Variants in CNBD1 observed in about 807,000 individuals in gnomAD.
The protein encoded by CNBD1 is cyclic nucleotide-binding domain-containing protein 1.
Under a neutral mutation model 54.4 loss-of-function variants are expected in CNBD1, and 71 were observed. The observed-to-expected ratio is 1.30, with a 90% confidence interval of 1.08 to 1.59. The LOEUF is 1.59. Among genes scored for constraint, CNBD1 ranks in the 40% most tolerant of loss-of-function variants. The pLI is 0.00. For synonymous variants in CNBD1, 182 were observed against 170.7 expected, an observed-to-expected ratio of 1.07 and a Z score of -0.51; for missense variants, 659 against 518.0, an observed-to-expected ratio of 1.27 and a Z score of -2.64.
intron 8 of CNBD1, among the ~76,000 whole-genome samples, chr8:87,289,780 C>T (rs983545863): frequency 6.6e-6 from 1 of 152,038 alleles, no homozygotes; most frequent in African/African-American, 2.4e-5. Flanking sequence ...CTCTACATCC[C>T]TTCAATTTTT....
Position 86,866,421 on chromosome 8 carries a change from T to A in CNBD1, c.-75T>A. 1 of 1,036,198 alleles carries A rather than the reference T, an allele frequency of 9.7e-7. No homozygotes were observed. Among genetic ancestry groups the A allele is most frequent in the South Asian group, 1.4e-5 (1 of 72,136 alleles). The allele number at this position is 1,036,198 out of a possible 1,614,324, so 64.2% of individuals were successfully genotyped here. On this transcript the variant is annotated 5_prime_UTR_variant, in exon 1 of 11. An upstream start codon of the reference 5' UTR is lost. Transcript: ENST00000518476. ...GAGAGGACCTTGAAGTTCTGCTTTA[T>A]GAGCCTGCAGGCAAAGAGTGATCAT...
At chr8:87,208,689 C>A (rs72665059) in intron 5 of CNBD1, among the ~76,000 whole-genome samples, 5,917 of 151,966 alleles carry the variant, frequency 0.039, 154 homozygotes, top group Non-Finnish European at 0.056. Context: ...AATATTAAAA[C>A]CCATTTCTAT....
chr8:87,252,232 T>C (rs1430188734), intron 6 of CNBD1, among the ~76,000 whole-genome samples: 1 of 152,178 alleles, frequency 6.6e-6, no homozygotes, highest in Non-Finnish European at 1.5e-5. Context: ...CATTTTTAGG[T>C]TTACTTAAAT....
intron 4 of CNBD1, among the ~76,000 whole-genome samples, chr8:87,165,676 G>A (rs980497198): frequency 5.9e-5 from 9 of 151,802 alleles, no homozygotes; most frequent in African/African-American, 2.2e-4. Flanking sequence ...GGCGCATATA[G>A]TTGGATCTCG....
intron 9 of CNBD1, among the ~76,000 whole-genome samples, chr8:87,352,932 CA>C (rs2130929194): frequency 6.6e-6 from 1 of 152,224 alleles, no homozygotes; most frequent in Non-Finnish European, 1.5e-5. Context: ...TAGCCTCTTC[CA>C]AGTTCTTGCC....
At chr8:87,130,234 A>T (rs1812091001) in intron 4 of CNBD1, among the ~76,000 whole-genome samples, 1 of 152,126 alleles carries the variant, frequency 6.6e-6, no homozygotes, top group Non-Finnish European at 1.5e-5. Flanking sequence ...ATTATTCTTG[A>T]TTTCTCAATA....
At chr8:87,399,001 T>C (rs1489849249) in intron 2 of CNBD1, among the ~76,000 whole-genome samples, 2 of 152,018 alleles carry the variant, frequency 1.3e-5, no homozygotes, top group Non-Finnish European at 2.9e-5. Context: ...TTTATTTGAA[T>C]CAAGGAGATC....
chr8:87,093,227 G>A (rs545284406), intron 4 of CNBD1, among the ~76,000 whole-genome samples: 41 of 152,298 alleles, frequency 2.7e-4, no homozygotes, highest in African/African-American at 9.4e-4. Flanking sequence ...GGAAACTTGG[G>A]TTGTTGAGAG....
At chr8:87,074,740 C>T (rs142634650) in intron 4 of CNBD1, among the ~76,000 whole-genome samples, 3 of 152,262 alleles carry the variant, frequency 2.0e-5, no homozygotes, top group African/African-American at 4.8e-5. Context: ...TTTCTTCATT[C>T]TCCGTGGGTC....
intron 6 of CNBD1, among the ~76,000 whole-genome samples, chr8:87,255,946 A>T (rs1391107806): frequency 3.1e-5 from 4 of 130,536 alleles, no homozygotes; most frequent in Non-Finnish European, 4.8e-5. Context: ...TATATATATA[A>T]AATACTCATA....
At chr8:87,380,039 A>C (rs1260318661) in intron 10 of CNBD1, among the ~76,000 whole-genome samples, 1 of 151,918 alleles carries the variant, frequency 6.6e-6, no homozygotes, top group Non-Finnish European at 1.5e-5. Flanking sequence ...AGATAATGCA[A>C]GACAATAATA....
chr8:87,241,097 A>G (rs1045803187), intron 6 of CNBD1, among the ~76,000 whole-genome samples: 14 of 152,114 alleles, frequency 9.2e-5, no homozygotes, highest in African/African-American at 2.9e-4. Flanking sequence ...AAAAATTGTC[A>G]TGAAGCAGGT....
chr8:87,255,991 ATATATATATATATATATATATATAT>A (rs1563525952), intron 6 of CNBD1, among the ~76,000 whole-genome samples: 2 of 11,544 alleles, frequency 1.7e-4, no homozygotes, highest in African/African-American at 9.6e-4. Context: ...ATATATATAT[ATATATATATATATATATATATATAT>A]TTTTTTTTTT....
intron 2 of CNBD1, among the ~76,000 whole-genome samples, chr8:87,423,624 G>T (rs1411509519): frequency 2.0e-5 from 3 of 147,448 alleles, no homozygotes; most frequent in Non-Finnish European, 4.5e-5. Context: ...CAGGGATGAA[G>T]CCCACTTGAT....
intron 10 of CNBD1, among the ~76,000 whole-genome samples, chr8:87,357,409 C>T (rs1810441003): frequency 6.6e-6 from 1 of 152,132 alleles, no homozygotes; most frequent in Non-Finnish European, 1.5e-5. Flanking sequence ...GTGGAGCTGC[C>T]CAAGGCCTTG....
At chr8:86,934,222 C>T (rs976933786) in intron 3 of CNBD1, among the ~76,000 whole-genome samples, 13 of 152,046 alleles carry the variant, frequency 8.6e-5, no homozygotes, top group South Asian at 2.1e-4. Context: ...GATTATTTTT[C>T]ACAACACATA....
intron 3 of CNBD1, among the ~76,000 whole-genome samples, chr8:86,914,675 TAA>T (rs1809155295): frequency 2.0e-5 from 3 of 152,304 alleles, no homozygotes; most frequent in East Asian, 3.9e-4. Flanking sequence ...TTTCTTTTTG[TAA>T]AGAGTTAAAA....
rs564046616 is a variant in CNBD1 at position 87,171,788 on chromosome 8, C to A, written c.432-34205C>A. On this transcript the variant is annotated intron_variant, in intron 4 of 10. Transcript: ENST00000518476. ...AAGTAGCTGGGATTACAGGTGCCCACCACCACGCCTGGCTAATTTTTCTTT... is the reference window on the plus strand; with the variant it reads ...AAGTAGCTGGGATTACAGGTGCCCAACACCACGCCTGGCTAATTTTTCTTT... 4.6e-5 allele frequency among the ~76,000 whole-genome samples: 7 copies of A among 150,846 alleles called. No homozygotes were observed. The East Asian group carries it at 1.4e-3, about 29-fold the overall frequency.
intron 4 of CNBD1, among the ~76,000 whole-genome samples, chr8:87,058,624 G>T (rs931789757): frequency 6.6e-6 from 1 of 152,140 alleles, no homozygotes; most frequent in African/African-American, 2.4e-5. Context: ...AAGGCTGGGG[G>T]CTTGCCTTCT....
Sources: gnomAD v4.1 joint callset for allele counts (sites outside exome capture counted in the v4.1 genomes callset) on GRCh38, gnomAD v4.1.1 for gene constraint, MANE v1.5 for transcripts, NCBI Gene and HGNC (gene_info 2026-07-23, HGNC 2026-07-21) for gene names.